SNTG1: variants seen among roughly 807,000 people sequenced by gnomAD.
SNTG1 encodes the protein syntrophin gamma 1.
Under a neutral mutation model 74.7 loss-of-function variants are expected in SNTG1, and 39 were observed. The observed-to-expected ratio is 0.52, with a 90% confidence interval of 0.40 to 0.68. The LOEUF (loss-of-function observed/expected upper bound fraction) is 0.68. Ranked by LOEUF, SNTG1 falls within the 30% of genes least tolerant of loss-of-function variation. The pLI is 0.00. For missense variants in SNTG1, 685 were observed against 609.5 expected (o/e 1.12, Z -1.30); for synonymous variants, 254 against 217.1 (o/e 1.17, Z -1.49).
At chr8:50,324,536 C>A (rs1048177395) in intron 2 of SNTG1, among the ~76,000 whole-genome samples, 10 of 152,172 alleles carry the variant, frequency 6.6e-5, no homozygotes, top group Non-Finnish European at 1.5e-4. Flanking sequence ...GAGGGATGAA[C>A]AGTACTGTGA....
At chr8:50,419,872 A>G (rs1474474377) in intron 4 of SNTG1, among the ~76,000 whole-genome samples, 1 of 151,572 alleles carries the variant, frequency 6.6e-6, no homozygotes, top group Non-Finnish European at 1.5e-5. Context: ...TAAACAATAC[A>G]ATAATTGAAA....
chr8:50,514,192 C>A (rs1339101923), intron 9 of SNTG1, among the ~76,000 whole-genome samples: 1 of 152,004 alleles, frequency 6.6e-6, no homozygotes, highest in African/African-American at 2.4e-5. Flanking sequence ...TACTGTATTT[C>A]TTTTTTCCAC....
chr8:50,758,528 C>T (rs1016336977), intron 18 of SNTG1, among the ~76,000 whole-genome samples: 2 of 151,866 alleles, frequency 1.3e-5, no homozygotes, highest in Admixed American at 1.3e-4. Context: ...TGTGTCCATG[C>T]GTTCTCATTG....
chr8:50,044,996 G>A lies in SNTG1; in HGVS notation c.-102-127565G>A, dbSNP rs1312039360. 2.6e-5 allele frequency among the ~76,000 whole-genome samples: 4 copies of A among 152,220 alleles called. No individual in the cohort carries two copies. The East Asian group carries it at 7.7e-4, about 29-fold the overall frequency. ...GATAGATGATAGCTAGATAGATAAA[G>A]AGATTGAGACAGACTGAGAGAGCAA... On this transcript the variant is annotated intron_variant, in intron 1 of 18. Transcript: ENST00000642720.
intron 2 of SNTG1, among the ~76,000 whole-genome samples, chr8:50,324,972 GAC>G (rs2090683877): frequency 1.5e-5 from 2 of 131,022 alleles, no homozygotes; most frequent in Non-Finnish European, 3.1e-5. Flanking sequence ...TATATATATA[GAC>G]AGAGAGAGAG....
chr8:50,621,252 C>T (rs1197797814), intron 13 of SNTG1, among the ~76,000 whole-genome samples: 1 of 152,040 alleles, frequency 6.6e-6, no homozygotes, highest in Non-Finnish European at 1.5e-5. Context: ...ACCATGCCTC[C>T]AGGGAGATAG....
At chr8:50,398,755 C>A (rs775150904) in intron 3 of SNTG1, among the ~76,000 whole-genome samples, 21 of 152,132 alleles carry the variant, frequency 1.4e-4, no homozygotes, top group Non-Finnish European at 1.5e-5. Flanking sequence ...GGTGGTGAAA[C>A]CCCGTCTCTA....
chr8:50,593,338 AAG>A (rs2094704624), intron 13 of SNTG1, among the ~76,000 whole-genome samples: 1 of 152,154 alleles, frequency 6.6e-6, no homozygotes, highest in South Asian at 2.1e-4. Flanking sequence ...GTGTCTGAAG[AAG>A]AGAGTTGGGC....
chr8:50,303,377 A>C (rs1018579993), intron 2 of SNTG1, among the ~76,000 whole-genome samples: 1 of 152,090 alleles, frequency 6.6e-6, no homozygotes, highest in Non-Finnish European at 1.5e-5. Context: ...TTCTCAATTT[A>C]TTATTTGAAT....
chr8:50,704,113 G>GT (rs67739459), intron 15 of SNTG1, among the ~76,000 whole-genome samples: 53 of 150,952 alleles, frequency 3.5e-4, no homozygotes, highest in South Asian at 2.3e-3. Context: ...TAAATAATGC[G>GT]TTTTTTTTTA....
chr8:50,002,248 C>A (rs1814809624), intron 1 of SNTG1, among the ~76,000 whole-genome samples: 1 of 152,096 alleles, frequency 6.6e-6, no homozygotes, highest in Admixed American at 6.6e-5. Context: ...AGATACAGGA[C>A]CTCGTGCTTT....
chr8:50,084,020 T>A (rs1296990603), intron 1 of SNTG1, among the ~76,000 whole-genome samples: 1 of 152,212 alleles, frequency 6.6e-6, no homozygotes, highest in East Asian at 1.9e-4. Context: ...TCTTTTAGCA[T>A]TAAACACACA....
At chr8:50,072,778 A>G (rs1244530568) in intron 1 of SNTG1, among the ~76,000 whole-genome samples, 1 of 152,218 alleles carries the variant, frequency 6.6e-6, no homozygotes, top group Non-Finnish European at 1.5e-5. Context: ...CACAGCAATA[A>G]GGTGAATATT....
intron 8 of SNTG1, among the ~76,000 whole-genome samples, chr8:50,453,406 TGGAA>T (rs2093473889): frequency 6.7e-6 from 1 of 149,666 alleles, no homozygotes; most frequent in South Asian, 2.1e-4. Context: ...GTATTCTTGC[TGGAA>T]GATTGTTAAG....
At chr8:50,172,174 T>G (rs904672103) in intron 1 of SNTG1, among the ~76,000 whole-genome samples, 1 of 152,192 alleles carries the variant, frequency 6.6e-6, no homozygotes, top group South Asian at 2.1e-4. Context: ...AATAGACCAT[T>G]CCTCACAATG....
chr8:50,496,031 A>G (rs1343375639), intron 8 of SNTG1, among the ~76,000 whole-genome samples: 1 of 152,196 alleles, frequency 6.6e-6, no homozygotes, highest in Non-Finnish European at 1.5e-5. Flanking sequence ...TATAGTCAGT[A>G]TTTTAGAGTG....
chr8:50,774,737 A>G (rs2095635711), intron 18 of SNTG1, among the ~76,000 whole-genome samples: 1 of 151,758 alleles, frequency 6.6e-6, no homozygotes, highest in African/African-American at 2.4e-5. Flanking sequence ...AAATTGATAA[A>G]ATGATAATTA....
intron 13 of SNTG1, among the ~76,000 whole-genome samples, chr8:50,635,398 A>G (rs1169219687): frequency 6.6e-6 from 1 of 152,128 alleles, no homozygotes; most frequent in Non-Finnish European, 1.5e-5. Flanking sequence ...TTCAGGCCCT[A>G]GGCTGGTTTA....
chr8:50,572,660 C>G lies in SNTG1; in HGVS notation c.811-18219C>G, dbSNP rs1385146252. 3.3e-5 allele frequency among the ~76,000 whole-genome samples: 5 copies of G among 152,124 alleles called. No homozygotes were observed. The East Asian group carries it at 7.7e-4, about 23-fold the overall frequency. On this transcript the variant is annotated intron_variant, in intron 12 of 18. Transcript: ENST00000642720. ...AAAAATATGAGCTGAAATGTGAGCT[C>G]TAGAAGCAAAAGTCATGTTTAAATT...
Sources: gnomAD v4.1 joint callset for allele counts (sites outside exome capture counted in the v4.1 genomes callset) on GRCh38, gnomAD v4.1.1 for gene constraint, MANE v1.5 for transcripts, NCBI Gene and HGNC (gene_info 2026-07-23, HGNC 2026-07-21) for gene names.